The following DOK6 variants were observed in gnomAD, a reference collection of about 807,000 sequenced individuals.
DOK6 encodes the protein docking protein 6.
Under a neutral mutation model 44.0 loss-of-function variants are expected in DOK6, and 22 were observed. That is an observed-to-expected ratio of 0.50 (90% confidence interval 0.36 to 0.71). The LOEUF (loss-of-function observed/expected upper bound fraction) is 0.71, where lower values mean the gene tolerates loss of function less well. Among genes scored for constraint, DOK6 ranks in the 30% least tolerant of loss-of-function variants. The pLI, the probability that DOK6 is intolerant of heterozygous loss-of-function variation, is 0.00. For synonymous variants in DOK6, 166 were observed against 145.5 expected, an observed-to-expected ratio of 1.14 and a Z score of -1.01; for missense variants, 340 against 416.4, an observed-to-expected ratio of 0.82 and a Z score of 1.60.
At chr18:69,621,091 A>G (rs1251036708) in intron 3 of DOK6, among the ~76,000 whole-genome samples, 1 of 152,060 alleles carries the variant, frequency 6.6e-6, no homozygotes. Context: ...TTCTGGTTGA[A>G]TGCATTCTGA....
intron 7 of DOK6, among the ~76,000 whole-genome samples, chr18:69,768,954 C>CGTGTGTGTGTGTGTGTGTGTGTGT (rs61202412): frequency 0.019 from 2,661 of 142,642 alleles, 65 homozygotes; most frequent in Non-Finnish European, 0.026. Flanking sequence ...GAAGGGTGTG[C>CGTGTGTGTGTGTGTGTGTGTGTGT]GTGTGTGTGT....
intron 1 of DOK6, among the ~76,000 whole-genome samples, chr18:69,440,220 T>C (rs539071530): frequency 1.3e-5 from 2 of 152,296 alleles, no homozygotes; most frequent in South Asian, 2.1e-4. Flanking sequence ...GCATGGTTTA[T>C]GGTGCCAAAA....
chr18:69,476,510 C>G (rs542229011), intron 1 of DOK6, among the ~76,000 whole-genome samples: 4 of 151,802 alleles, frequency 2.6e-5, no homozygotes, highest in African/African-American at 9.6e-5. Flanking sequence ...ATGGCATTCT[C>G]AGAAGGAGGG....
chr18:69,502,952 T>G (rs372807258), intron 1 of DOK6, among the ~76,000 whole-genome samples: 1 of 152,070 alleles, frequency 6.6e-6, no homozygotes, highest in Non-Finnish European at 1.5e-5. Context: ...TAAATTGCCC[T>G]GTGACTGGCT....
At chr18:69,575,067 A>G (rs1983208516) in intron 2 of DOK6, among the ~76,000 whole-genome samples, 1 of 152,076 alleles carries the variant, frequency 6.6e-6, no homozygotes, top group Non-Finnish European at 1.5e-5. Context: ...TGCACAGCAT[A>G]TTCATGTAGC....
chr18:69,603,670 A>C (rs559551507), intron 3 of DOK6, among the ~76,000 whole-genome samples: 16 of 147,882 alleles, frequency 1.1e-4, no homozygotes, highest in Middle Eastern at 3.5e-3. Context: ...ACGTGAGAGG[A>C]TGAGGCAGGA....
At chr18:69,755,869 A>T (rs528016525) in intron 6 of DOK6, among the ~76,000 whole-genome samples, 82 of 152,346 alleles carry the variant, frequency 5.4e-4, no homozygotes, top group Admixed American at 1.8e-3. Context: ...AGCAGAATTT[A>T]TTAAGCAAAA....
At chr18:69,627,883 C>T (rs1197219288) in intron 3 of DOK6, among the ~76,000 whole-genome samples, 1 of 152,124 alleles carries the variant, frequency 6.6e-6, no homozygotes, top group African/African-American at 2.4e-5. Context: ...TTTGGGACAG[C>T]ACTCTTTTTC....
At chr18:69,558,442 G>A (rs1982743914) in intron 1 of DOK6, among the ~76,000 whole-genome samples, 1 of 152,086 alleles carries the variant, frequency 6.6e-6, no homozygotes, top group Admixed American at 6.5e-5. Flanking sequence ...TGTCCAAAGA[G>A]GGGTAGAAGA....
chr18:69,766,029 A>C (rs1334933405), intron 7 of DOK6, among the ~76,000 whole-genome samples: 1 of 152,196 alleles, frequency 6.6e-6, no homozygotes, highest in Non-Finnish European at 1.5e-5. Flanking sequence ...GGCGCCCATC[A>C]ACAGTGGATT....
In DOK6 at chr18:69,842,167, T is replaced by A. The variant is rs1343061555; in HGVS notation, c.*784T>A. ...AAAAAAAAAAAAAAAAAAGGCTTCT[T>A]ATTAGCAAAAGTATATGTAATCCAG... On this transcript the variant is annotated 3_prime_UTR_variant, in exon 8 of 8. Coordinates refer to ENST00000382713, the MANE Select transcript of DOK6 (RefSeq NM_152721.6). 4 of 150,914 alleles carry A rather than the reference T, an allele frequency of 2.7e-5. No homozygotes were observed. The highest frequency in any genetic ancestry group is 9.7e-5 in the African/African-American group (4 of 41,104). 9.3% of individuals were successfully genotyped at this position (150,914 alleles called of 1,614,324 possible). A position where few individuals can be genotyped will look rare whatever the true frequency, so the allele number is the denominator to read the frequency against.
At chr18:69,427,916 T>A (rs1978688285) in intron 1 of DOK6, among the ~76,000 whole-genome samples, 1 of 152,070 alleles carries the variant, frequency 6.6e-6, no homozygotes, top group South Asian at 2.1e-4. Flanking sequence ...TAGCTCGAAT[T>A]ATAAGTGCCC....
chr18:69,722,707 T>G (rs1318968338), intron 5 of DOK6, among the ~76,000 whole-genome samples: 2 of 152,240 alleles, frequency 1.3e-5, no homozygotes, highest in African/African-American at 4.8e-5. Flanking sequence ...CTTTGTCATG[T>G]GTTTGCATTA....
chr18:69,741,824 A>G (rs1978809395), intron 6 of DOK6, among the ~76,000 whole-genome samples: 1 of 152,202 alleles, frequency 6.6e-6, no homozygotes, highest in South Asian at 2.1e-4. Context: ...AAAATTTCCA[A>G]CAAGTATGAA....
At chr18:69,499,141 TAATA>T (rs1448440323) in intron 1 of DOK6, among the ~76,000 whole-genome samples, 1 of 152,052 alleles carries the variant, frequency 6.6e-6, no homozygotes, top group Non-Finnish European at 1.5e-5. Flanking sequence ...GACAGAAATG[TAATA>T]AAAATAGGAT....
chr18:69,620,613 C>A (rs893477522), intron 3 of DOK6, among the ~76,000 whole-genome samples: 2 of 152,160 alleles, frequency 1.3e-5, no homozygotes, highest in African/African-American at 4.8e-5. Flanking sequence ...CCATAGCAAT[C>A]CCACCTCATG....
intron 7 of DOK6, among the ~76,000 whole-genome samples, chr18:69,795,279 C>T (rs1712775718): frequency 6.6e-6 from 1 of 152,050 alleles, no homozygotes. Flanking sequence ...AGTTCTCATA[C>T]AAGATAGACA....
At chr18:69,819,910 C>T (rs62090527) in intron 7 of DOK6, among the ~76,000 whole-genome samples, 2,164 of 152,182 alleles carry the variant, frequency 0.014, 19 homozygotes, top group Admixed American at 0.019. Flanking sequence ...ATAAAATACA[C>T]TAACACTAAC....
At chr18:69,483,263 AAC>A (rs1416278649) in intron 1 of DOK6, among the ~76,000 whole-genome samples, 1 of 152,000 alleles carries the variant, frequency 6.6e-6, no homozygotes, top group African/African-American at 2.4e-5. Context: ...TAAGCTAATA[AAC>A]TTCAGCAAAG....
Sources: allele counts gnomAD v4.1 joint callset (sites outside exome capture counted in the v4.1 genomes callset), GRCh38; gene constraint gnomAD v4.1.1; transcripts MANE v1.5; gene names NCBI Gene and HGNC (gene_info 2026-07-23, HGNC 2026-07-21).